The following TMEM230 variants were observed in gnomAD, a reference collection of about 807,000 sequenced individuals.
TMEM230 encodes UPF0414 transmembrane protein C20orf30.
TMEM230 carries 10 observed loss-of-function variants against 15.8 expected under a neutral mutation model. The ratio of observed to expected loss-of-function variants is 0.63; its 90% CI spans 0.39 to 1.07. The LOEUF is 1.07. TMEM230 is among the 50% of genes least tolerant of loss of function. TMEM230 has a pLI of 0.01. For missense variants in TMEM230, 165 were observed against 193.3 expected (o/e 0.85, Z 0.87); for synonymous variants, 67 against 76.9 (o/e 0.87, Z 0.68).
chr20:5,100,620 G>T lies in TMEM230; in HGVS notation c.*171C>A. 2.1e-6 allele frequency: 3 copies of T among 1,412,210 alleles called. No homozygotes were observed. The highest frequency in any genetic ancestry group is 2.8e-6 in the Non-Finnish European group (3 of 1,085,504). 87.5% of individuals were successfully genotyped at this position (1,412,210 alleles called of 1,614,324 possible). The stretch of plus-strand genomic sequence containing the variant: ...TGAAAAATAGAGCTTGTCCTAATTA[G>T]CTAACTGTAGGTTCACTTAACATCT... On this transcript the variant is annotated 3_prime_UTR_variant, in exon 5 of 5. Transcript: ENST00000342308.
chr20:5,104,384 C>T (rs909342584), intron 4 of TMEM230, among the ~76,000 whole-genome samples: 6 of 152,266 alleles, frequency 3.9e-5, no homozygotes, highest in Admixed American at 3.3e-4. Context: ...CCAAAAAAAA[C>T]GGCAATAACG....
downstream of TMEM230, among the ~76,000 whole-genome samples, chr20:5,064,658 GAA>G (rs1401814923): frequency 6.6e-6 from 1 of 151,834 alleles, no homozygotes; most frequent in African/African-American, 2.4e-5. Flanking sequence ...AAGTCCAAAG[GAA>G]GTATAAGCAA....
intron 3 of TMEM230, among the ~76,000 whole-genome samples, chr20:5,072,912 G>A (rs544781639): frequency 1.3e-5 from 2 of 148,418 alleles, no homozygotes; most frequent in Non-Finnish European, 1.5e-5. Context: ...CTGATGACTT[G>A]AGAAACAGGA....
chr20:5,098,496 A>G (rs1371894249), downstream of TMEM230: 1 of 152,190 alleles, frequency 6.6e-6, no homozygotes, highest in African/African-American at 2.4e-5. Flanking sequence ...TTTTCTATAA[A>G]ACACCAAATA....
At chr20:5,086,603 T>C (rs1436337993) in intron 3 of TMEM230, among the ~76,000 whole-genome samples, 1 of 151,362 alleles carries the variant, frequency 6.6e-6, no homozygotes. Context: ...TTATATATGC[T>C]TTTTTTTCTG....
chr20:5,097,648 A>T (rs1208488372), downstream of TMEM230, among the ~76,000 whole-genome samples: 1 of 151,824 alleles, frequency 6.6e-6, no homozygotes, highest in Admixed American at 6.6e-5. Context: ...TTGTTTTATT[A>T]TTTTTTTGAG....
chr20:5,111,181 C>CA (rs59165157), intron 2 of TMEM230: 21,755 of 120,612 alleles, frequency 0.18, 2,187 homozygotes, highest in African/African-American at 0.33. Flanking sequence ...GACCCTGAGT[C>CA]AAAAAAAAAA....
intron 3 of TMEM230, among the ~76,000 whole-genome samples, chr20:5,089,232 G>A (rs548217862): frequency 4.4e-4 from 67 of 152,116 alleles, no homozygotes; most frequent in Non-Finnish European, 8.7e-4. Context: ...AAAATTAGCC[G>A]GGCGTGGTGG....
downstream of TMEM230, among the ~76,000 whole-genome samples, chr20:5,066,911 A>T (rs955219797): frequency 6.6e-6 from 1 of 151,974 alleles, no homozygotes; most frequent in Non-Finnish European, 1.5e-5. Flanking sequence ...CATACATCCA[A>T]GCCCCTGTTT....
At chr20:5,104,523 T>C (rs2089993900) in intron 4 of TMEM230, among the ~76,000 whole-genome samples, 1 of 152,228 alleles carries the variant, frequency 6.6e-6, no homozygotes, top group Admixed American at 6.5e-5. Context: ...CAGCTAGGTA[T>C]ATACCCAAAA....
Position 5,085,726 on chromosome 20 carries a change from G to C in TMEM230, c.223-16377C>G, listed in dbSNP as rs2089316069. On this transcript the variant is annotated intron_variant, in intron 3 of 3. Transcript: ENST00000612323. ...ACAAAAAAAAGCCATACTTTATTTG[G>C]GCTTATTTACCAGATTTAGATGATG... Among the ~76,000 whole-genome samples, 4 of 152,218 alleles carry C rather than the reference G, an allele frequency of 2.6e-5. No individual in the cohort carries two copies. In the South Asian group the frequency reaches 8.3e-4, roughly 32 times the overall value.
Position 5,094,414 on chromosome 20 carries a change from A to T in TMEM230, c.222+11774T>A, listed in dbSNP as rs561411989. ...CACCACCACACCTGGCTAATTTTTA[A>T]AAAAAAATTTTTGGCCAGGCATGGT... is the stretch of plus-strand genomic sequence containing the variant. On this transcript the variant is annotated intron_variant, in intron 3 of 3. Transcript: ENST00000612323. 1.4e-3 allele frequency among the ~76,000 whole-genome samples: 213 copies of T among 151,708 alleles called. 2 individuals carry two copies. In the East Asian group the frequency reaches 0.031, roughly 22 times the overall value.
chr20:5,100,105 G>C lies in TMEM230; in HGVS notation c.*686C>G. On this transcript the variant is annotated 3_prime_UTR_variant, in exon 5 of 5. Coordinates refer to ENST00000342308, the MANE Select transcript of TMEM230 (RefSeq NM_001009923.2). Reference sequence around the variant, plus strand: ...ACAGCCAAAAGTCCGGCCGTTAAAGGAATAATCTGCAGAACATCTTGATTT... The same window carrying C: ...ACAGCCAAAAGTCCGGCCGTTAAAGCAATAATCTGCAGAACATCTTGATTT... The C allele has an allele frequency of 1.1e-5, 11 of 985,350 alleles. No individual in the cohort carries two copies. Among genetic ancestry groups the C allele is most frequent in the Non-Finnish European group, 1.3e-5 (11 of 829,916 alleles). 61.0% of individuals were successfully genotyped at this position (985,350 alleles called of 1,614,324 possible).
chr20:5,112,721 T>TA, intron 1 of TMEM230: 1 of 1,431,830 alleles, frequency 7.0e-7, no homozygotes, highest in Non-Finnish European at 9.1e-7. Context: ...ATTACGCGCC[T>TA]CTACATACGT....
intron 3 of TMEM230, among the ~76,000 whole-genome samples, chr20:5,085,950 T>C (rs891120502): frequency 1.3e-5 from 2 of 152,152 alleles, no homozygotes; most frequent in Non-Finnish European, 2.9e-5. Context: ...TCACAGGTGC[T>C]CCTCTCACAG....
the TMEM230 span, among the ~76,000 whole-genome samples, chr20:5,063,222 A>ACT: frequency 2.0e-5 from 3 of 149,536 alleles, no homozygotes; most frequent in African/African-American, 7.4e-5. Context: ...CCAGGGGAGG[A>ACT]CTGCATAATC....
At chr20:5,087,630 G>C (rs1373806110) in intron 3 of TMEM230, among the ~76,000 whole-genome samples, 1 of 149,144 alleles carries the variant, frequency 6.7e-6, no homozygotes, top group Admixed American at 6.7e-5. Context: ...CTAGCTGGGG[G>C]TCCAGCCCTT....
the TMEM230 span, among the ~76,000 whole-genome samples, chr20:5,060,543 G>A: frequency 6.6e-6 from 1 of 151,874 alleles, no homozygotes; most frequent in Non-Finnish European, 1.5e-5. Flanking sequence ...CACCCGGTTA[G>A]CCAGGCTGGT....
At chr20:5,060,157 C>T in the TMEM230 span, among the ~76,000 whole-genome samples, 1 of 152,110 alleles carries the variant, frequency 6.6e-6, no homozygotes, top group African/African-American at 2.4e-5. Context: ...AACAATCCTC[C>T]CGCCTTGGCC....
Sources: allele counts gnomAD v4.1 joint callset (sites outside exome capture counted in the v4.1 genomes callset), GRCh38; gene constraint gnomAD v4.1.1; transcripts MANE v1.5; gene names NCBI Gene and HGNC (gene_info 2026-07-23, HGNC 2026-07-21).